MAP2K5: variants seen among roughly 807,000 people sequenced by gnomAD.
The protein encoded by MAP2K5 is dual specificity mitogen-activated protein kinase kinase 5.
Under a neutral mutation model 83.1 loss-of-function variants are expected in MAP2K5, and 49 were observed. The ratio of observed to expected loss-of-function variants is 0.59; its 90% CI spans 0.47 to 0.75. The LOEUF (loss-of-function observed/expected upper bound fraction) is 0.75. Among genes scored for constraint, MAP2K5 ranks in the 30% least tolerant of loss-of-function variants. The pLI, the probability that MAP2K5 is intolerant of heterozygous loss-of-function variation, is 0.00. For synonymous variants in MAP2K5, 202 were observed against 191.8 expected (o/e 1.05, Z -0.44); for missense variants, 457 against 557.5 (o/e 0.82, Z 1.82).
chr15:67,790,929 T>C lies in MAP2K5; in HGVS notation c.1243-15717T>C, dbSNP rs1397706888. On this transcript the variant is annotated intron_variant, in intron 21 of 21. Coordinates refer to ENST00000178640, the MANE Select transcript of MAP2K5 (RefSeq NM_145160.3). This position sits in a 1 kb window ranked among gnomAD's most constrained non-coding sequence, Gnocchi z 4.6. ...TGAGGTTGATGCTGTTCTCCATATT[T>C]TACAGAAGACGAGTCAGAGCTAGGG... 6.6e-6 allele frequency among the ~76,000 whole-genome samples: 1 copy of C among 152,176 alleles called. No homozygotes were observed. The highest frequency in any genetic ancestry group is 2.4e-5 in the African/African-American group (1 of 41,436).
In MAP2K5 at chr15:67,702,964, C is replaced by T. The variant is rs2088459184; in HGVS notation, c.973-373C>T. Among the ~76,000 whole-genome samples the T allele has an allele frequency of 6.6e-6, 1 of 152,122 alleles. No homozygotes were observed. The highest frequency in any genetic ancestry group is 6.5e-5 in the Admixed American group (1 of 15,270). On this transcript the variant is annotated intron_variant, in intron 15 of 21. Coordinates refer to ENST00000178640, the MANE Select transcript of MAP2K5 (RefSeq NM_145160.3). The surrounding 1 kb of genome is among the most constrained non-coding windows in gnomAD (Gnocchi z 4.6). ...ATATAATGTTGTGTAATTTGTTACT[C>T]CACAACAAAGACCACTGGATTTGGA...
At chr15:67,605,058 T>A (rs1334374163) in intron 8 of MAP2K5, among the ~76,000 whole-genome samples, 1 of 151,846 alleles carries the variant, frequency 6.6e-6, no homozygotes, top group Non-Finnish European at 1.5e-5. Context: ...GGGACTCTTT[T>A]CTTTTTTTTT....
At chr15:67,776,834 A>T (rs1057065609) in intron 21 of MAP2K5, among the ~76,000 whole-genome samples, 6 of 152,158 alleles carry the variant, frequency 3.9e-5, no homozygotes, top group Non-Finnish European at 7.4e-5. Flanking sequence ...CCTCCATCAC[A>T]TCCCTTCACT....
rs929473798 is a variant in MAP2K5 at position 67,698,177 on chromosome 15, T to C, written c.972+4609T>C. 2.0e-5 allele frequency among the ~76,000 whole-genome samples: 3 copies of C among 152,078 alleles called. No homozygotes were observed. The highest frequency in any genetic ancestry group is 4.8e-5 in the African/African-American group (2 of 41,406). Reference sequence around the variant, plus strand: ...CTTGGAGCTTATATTAAATTAACCATTTTTCAGAAATTCTTTATTTTTTTT... The same window carrying C: ...CTTGGAGCTTATATTAAATTAACCACTTTTCAGAAATTCTTTATTTTTTTT... On this transcript the variant is annotated intron_variant, in intron 15 of 21. Transcript: ENST00000178640. The surrounding 1 kb of genome is among the most constrained non-coding windows in gnomAD (Gnocchi z 4.5).
chr15:67,767,015 C>A (rs1027395129), intron 19 of MAP2K5, among the ~76,000 whole-genome samples: 2 of 152,106 alleles, frequency 1.3e-5, no homozygotes, highest in Non-Finnish European at 1.5e-5. Context: ...ATGAGTGATT[C>A]TTTCCAGGGA....
At chr15:67,629,317 G>T (rs1400018794) in intron 8 of MAP2K5, among the ~76,000 whole-genome samples, 1 of 151,984 alleles carries the variant, frequency 6.6e-6, no homozygotes, top group African/African-American at 2.4e-5. Context: ...GACTGTATTT[G>T]TCTAATTGTA....
chr15:67,623,887 G>GC (rs2086247708), intron 8 of MAP2K5, among the ~76,000 whole-genome samples: 1 of 150,862 alleles, frequency 6.6e-6, no homozygotes, highest in African/African-American at 2.4e-5. Flanking sequence ...GTGAGCCACC[G>GC]CCCCCGGCTA....
chr15:67,710,247 C>G (rs1266142566), intron 16 of MAP2K5, among the ~76,000 whole-genome samples: 1 of 152,190 alleles, frequency 6.6e-6, no homozygotes, highest in Admixed American at 6.5e-5. Flanking sequence ...TGCCACCCCT[C>G]TAACCAGTCT....
At chr15:67,730,119 A>G (rs895636536) in intron 17 of MAP2K5, among the ~76,000 whole-genome samples, 1 of 152,212 alleles carries the variant, frequency 6.6e-6, no homozygotes, top group Non-Finnish European at 1.5e-5. Context: ...TCGTTGCTAG[A>G]ACCACTAATG....
At position 67,550,088 on chromosome 15, in the gene MAP2K5, T is replaced by C. The variant is rs1484050930; in HGVS notation, c.184+6T>C. On this transcript the variant is annotated splice_donor_region_variant and intron_variant, in intron 2 of 21. Transcript: ENST00000178640. ...AACAACTACAGCATTTGAATGTAAGTCTGGCTTGTATACTTTCTTGACTAT... is the reference window on the plus strand; with the variant it reads ...AACAACTACAGCATTTGAATGTAAGCCTGGCTTGTATACTTTCTTGACTAT... 4 of 1,612,780 alleles carry C rather than the reference T, an allele frequency of 2.5e-6. No homozygotes were observed. In the East Asian group the frequency reaches 8.9e-5, roughly 36 times the overall value.
intron 9 of MAP2K5, among the ~76,000 whole-genome samples, chr15:67,631,807 T>C (rs1327524359): frequency 6.6e-6 from 1 of 152,226 alleles, no homozygotes; most frequent in African/African-American, 2.4e-5. Context: ...GACTCTGTCT[T>C]GAATTGCGCT....
intron 7 of MAP2K5, among the ~76,000 whole-genome samples, chr15:67,598,315 AC>A (rs1211299327): frequency 6.6e-6 from 1 of 152,308 alleles, no homozygotes; most frequent in East Asian, 1.9e-4. Flanking sequence ...CACGTTGCTC[AC>A]TTTTTATAGA....
At chr15:67,567,122 A>G (rs190738452) in intron 3 of MAP2K5, among the ~76,000 whole-genome samples, 19 of 152,358 alleles carry the variant, frequency 1.2e-4, no homozygotes, top group African/African-American at 4.3e-4. Flanking sequence ...TTTTAAGAAA[A>G]TGTAAAGTAA....
chr15:67,701,284 ACT>A (rs1251278872), intron 15 of MAP2K5, among the ~76,000 whole-genome samples: 2 of 151,674 alleles, frequency 1.3e-5, no homozygotes, highest in Non-Finnish European at 2.9e-5. Flanking sequence ...TTATATAAGA[ACT>A]CTCTAAGGAA....
intron 19 of MAP2K5, among the ~76,000 whole-genome samples, chr15:67,765,486 G>C (rs1288529002): frequency 6.6e-6 from 1 of 152,148 alleles, no homozygotes; most frequent in African/African-American, 2.4e-5. Context: ...TGGGGGCGGG[G>C]AGTTGCAGGG....
At chr15:67,762,006 G>A (rs942747736) in intron 19 of MAP2K5, among the ~76,000 whole-genome samples, 2 of 152,216 alleles carry the variant, frequency 1.3e-5, no homozygotes, top group Non-Finnish European at 2.9e-5. Context: ...CAAGGTAAAA[G>A]CACAGGTAGG....
rs949722111 is a variant in MAP2K5 at position 67,758,128 on chromosome 15, G to C, written c.1134+9527G>C. On this transcript the variant is annotated intron_variant, in intron 19 of 21. Coordinates refer to ENST00000178640, the MANE Select transcript of MAP2K5 (RefSeq NM_145160.3). This position sits in a 1 kb window ranked among gnomAD's most constrained non-coding sequence, Gnocchi z 4.7. The stretch of plus-strand genomic sequence containing the variant: ...TTTAAGCAAGAGGTCAACGTAGCCA[G>C]ATTTGTGTTTTACACTGTGGCAGTG... Among the ~76,000 whole-genome samples, 1 of 152,182 alleles carries C rather than the reference G, an allele frequency of 6.6e-6. No individual in the cohort carries two copies. Among genetic ancestry groups the C allele is most frequent in the African/African-American group, 2.4e-5 (1 of 41,432 alleles).
At chr15:67,646,024 A>G (rs533556751) in intron 9 of MAP2K5, among the ~76,000 whole-genome samples, 8 of 152,266 alleles carry the variant, frequency 5.3e-5, no homozygotes, top group Non-Finnish European at 1.0e-4. Flanking sequence ...GGTCCCATCA[A>G]TCACTTCTGT....
intron 15 of MAP2K5, among the ~76,000 whole-genome samples, chr15:67,694,118 C>T (rs2088185477): frequency 6.6e-6 from 1 of 151,920 alleles, no homozygotes; most frequent in South Asian, 2.1e-4. Flanking sequence ...AATAAACTTA[C>T]CAACAATAAC....
Sources: gnomAD v4.1 joint callset for allele counts (sites outside exome capture counted in the v4.1 genomes callset) on GRCh38, gnomAD v4.1.1 for gene constraint, Gnocchi (gnomAD v3.1) non-coding constraint, MANE v1.5 for transcripts, NCBI Gene and HGNC (gene_info 2026-07-23, HGNC 2026-07-21) for gene names.